Variants in GRID1 observed in about 807,000 individuals in gnomAD.
The protein encoded by GRID1 is glutamate receptor ionotropic, delta-1.
GRID1 carries 28 observed loss-of-function variants against 98.0 expected under a neutral mutation model. The ratio of observed to expected loss-of-function variants is 0.29; its 90% CI spans 0.21 to 0.39. The LOEUF is 0.39. Among genes scored for constraint, GRID1 ranks in the 10% least tolerant of loss-of-function variants. GRID1 has a pLI of 1.00. For missense variants in GRID1, 1,111 were observed against 1,340.5 expected (o/e 0.83, Z 2.67); for synonymous variants, 553 against 538.5 (o/e 1.03, Z -0.37).
chr10:85,857,322 G>A (rs1173772334), intron 6 of GRID1, among the ~76,000 whole-genome samples: 1 of 152,214 alleles, frequency 6.6e-6, no homozygotes, highest in Non-Finnish European at 1.5e-5. Context: ...CGACACTACA[G>A]CATTGGGGCC....
intron 4 of GRID1, among the ~76,000 whole-genome samples, chr10:85,931,470 T>A (rs1439496396): frequency 6.6e-6 from 1 of 152,226 alleles, no homozygotes; most frequent in Non-Finnish European, 1.5e-5. Context: ...TGCATTTTTA[T>A]CAACTTTTCT....
At chr10:86,076,665 T>G (rs1417159816) in intron 4 of GRID1, among the ~76,000 whole-genome samples, 1 of 152,192 alleles carries the variant, frequency 6.6e-6, no homozygotes, top group Non-Finnish European at 1.5e-5. Flanking sequence ...TTGTGCTGGT[T>G]GGAGGTCAGC....
At chr10:85,687,422 T>A (rs1841281810) in intron 12 of GRID1, among the ~76,000 whole-genome samples, 1 of 152,138 alleles carries the variant, frequency 6.6e-6, no homozygotes, top group Non-Finnish European at 1.5e-5. Flanking sequence ...AATTGTTATT[T>A]TTTAAAATTT....
At chr10:85,860,367 G>C (rs1276226783) in intron 6 of GRID1, among the ~76,000 whole-genome samples, 1 of 152,172 alleles carries the variant, frequency 6.6e-6, no homozygotes, top group Non-Finnish European at 1.5e-5. Flanking sequence ...GCAAAAGAGA[G>C]GTCAGAGTGT....
intron 8 of GRID1, among the ~76,000 whole-genome samples, chr10:85,830,458 G>A (rs184948267): frequency 1.6e-4 from 24 of 152,178 alleles, no homozygotes; most frequent in South Asian, 2.1e-4. Flanking sequence ...ATTGACAAAG[G>A]AGACCTCAGT....
chr10:86,160,841 G>T (rs1206820332), intron 3 of GRID1, among the ~76,000 whole-genome samples: 1 of 152,230 alleles, frequency 6.6e-6, no homozygotes, highest in East Asian at 1.9e-4. Context: ...GCAGGGAATG[G>T]AGTCTAGGAG....
At chr10:85,998,676 ACAACAGATAAAAT>A (rs1254961935) in intron 4 of GRID1, among the ~76,000 whole-genome samples, 1 of 152,206 alleles carries the variant, frequency 6.6e-6, no homozygotes, top group Non-Finnish European at 1.5e-5. Context: ...AAACCTAAAA[ACAACAGATAAAAT>A]CAACAGAACC....
In GRID1 at chr10:85,766,384, G is replaced by A. The variant is rs60585778; in HGVS notation, c.1234-36770C>T. Reference sequence around the variant, plus strand: ...GCCTGTTGTCACAGTTACTTAGGAGGCTGAAGTGGGAGGATCAATTGAACC... The same window carrying A: ...GCCTGTTGTCACAGTTACTTAGGAGACTGAAGTGGGAGGATCAATTGAACC... On this transcript the variant is annotated intron_variant, in intron 8 of 15. Transcript: ENST00000327946. 2.1e-3 allele frequency among the ~76,000 whole-genome samples: 324 copies of A among 152,282 alleles called. 2 individuals carry two copies. The highest frequency in any genetic ancestry group is 6.8e-3 in the Middle Eastern group (2 of 294).
At chr10:85,623,764 C>T (rs566885653) in intron 13 of GRID1, among the ~76,000 whole-genome samples, 1 of 152,310 alleles carries the variant, frequency 6.6e-6, no homozygotes, top group African/African-American at 2.4e-5. Flanking sequence ...TGCCTTGCTC[C>T]ATCCCTTCAT....
chr10:86,095,625 T>C (rs1844210164), intron 4 of GRID1, among the ~76,000 whole-genome samples: 1 of 152,138 alleles, frequency 6.6e-6, no homozygotes, highest in African/African-American at 2.4e-5. Context: ...ACATCACTAA[T>C]GATCAAGGAA....
chr10:86,175,559 C>T (rs1338867418), intron 3 of GRID1, among the ~76,000 whole-genome samples: 5 of 152,262 alleles, frequency 3.3e-5, no homozygotes, highest in South Asian at 2.1e-4. Flanking sequence ...CCCACTGCAA[C>T]GGCTCTTGTC....
intron 4 of GRID1, among the ~76,000 whole-genome samples, chr10:86,121,390 A>T (rs1324062148): frequency 2.6e-5 from 4 of 150,998 alleles, no homozygotes; most frequent in Non-Finnish European, 3.0e-5. Flanking sequence ...ACCATCATTT[A>T]TCTCCATCGC....
intron 8 of GRID1, among the ~76,000 whole-genome samples, chr10:85,769,231 C>T (rs1422312335): frequency 6.6e-6 from 1 of 152,152 alleles, no homozygotes; most frequent in East Asian, 1.9e-4. Flanking sequence ...AGCTGGAGGC[C>T]ATTATCCTAA....
chr10:86,281,894 G>T (rs968452320), intron 2 of GRID1, among the ~76,000 whole-genome samples: 24 of 152,130 alleles, frequency 1.6e-4, no homozygotes, highest in African/African-American at 5.8e-4. Context: ...TTCTAGGATG[G>T]GGGTAGAGCA....
intron 12 of GRID1, among the ~76,000 whole-genome samples, chr10:85,717,687 T>G (rs1841655216): frequency 6.6e-6 from 1 of 152,040 alleles, no homozygotes; most frequent in Non-Finnish European, 1.5e-5. Flanking sequence ...CCAACAATCC[T>G]CCAAAGTCTT....
chr10:85,608,628 C>T (rs978138498), intron 15 of GRID1, among the ~76,000 whole-genome samples: 21 of 152,150 alleles, frequency 1.4e-4, no homozygotes, highest in African/African-American at 5.1e-4. Context: ...TTCCACTGTT[C>T]CAGAGAGAAG....
intron 8 of GRID1, among the ~76,000 whole-genome samples, chr10:85,734,696 C>T (rs1342649428): frequency 6.6e-6 from 1 of 152,182 alleles, no homozygotes; most frequent in Non-Finnish European, 1.5e-5. Context: ...AAGCCAAGTG[C>T]CCCAGGCTGA....
intron 4 of GRID1, among the ~76,000 whole-genome samples, chr10:86,106,682 A>C (rs1844392053): frequency 2.0e-5 from 3 of 152,166 alleles, no homozygotes; most frequent in Non-Finnish European, 4.4e-5. Flanking sequence ...ATTCCTGATC[A>C]TCAGAGATGA....
intron 5 of GRID1, among the ~76,000 whole-genome samples, chr10:85,909,194 A>C (rs1388241816): frequency 6.6e-6 from 1 of 152,226 alleles, no homozygotes; most frequent in Non-Finnish European, 1.5e-5. Flanking sequence ...AAATGCTAGG[A>C]AGTATTGTCA....
Sources: gnomAD v4.1 joint callset for allele counts (sites outside exome capture counted in the v4.1 genomes callset) on GRCh38, gnomAD v4.1.1 for gene constraint, MANE v1.5 for transcripts, NCBI Gene and HGNC (gene_info 2026-07-23, HGNC 2026-07-21) for gene names.